The following CEP131 variants were observed in gnomAD, a reference collection of about 807,000 sequenced individuals.
The protein encoded by CEP131 is centrosomal protein of 131 kDa.
In CEP131, 99 loss-of-function variants were observed where a neutral mutation model predicts 136.8. The observed-to-expected ratio is 0.72, with a 90% CI of 0.62 to 0.86. The LOEUF (loss-of-function observed/expected upper bound fraction) is 0.86, where lower values mean the gene tolerates loss of function less well. Among genes scored for constraint, CEP131 ranks in the 40% least tolerant of loss-of-function variants. The pLI is 0.00. For missense variants in CEP131, 1,459 were observed against 1,463.0 expected (o/e 1.00, Z 0.04); for synonymous variants, 646 against 612.7 (o/e 1.05, Z -0.80).
Position 81,197,903 on chromosome 17 carries a change from C to A in CEP131, c.1471-15G>T. The A allele has an allele frequency of 1.9e-6, 3 of 1,606,502 alleles. No individual in the cohort carries two copies. The highest frequency in any genetic ancestry group is 2.6e-6 in the Non-Finnish European group (3 of 1,175,500). Reference sequence around the variant, plus strand: ...GCGTCATCCTCCTGTGGGACAGGAGCCCAGCATCGGGGGCTGTCAGGGCAG... The same window carrying A: ...GCGTCATCCTCCTGTGGGACAGGAGACCAGCATCGGGGGCTGTCAGGGCAG... On this transcript the variant is annotated splice_polypyrimidine_tract_variant and intron_variant, in intron 12 of 25. Coordinates refer to ENST00000450824, the MANE Select transcript of CEP131 (RefSeq NM_014984.4).
chr17:81,198,836 G>C (rs1387148717), intron 11 of CEP131, 41 bp downstream of exon 11: 2 of 1,545,992 alleles, frequency 1.3e-6, no homozygotes, highest in Non-Finnish European at 1.8e-6. Flanking sequence ...GGCCCTTAAA[G>C]CCAAAAACCA....
intron 2 of CEP131, among the ~76,000 whole-genome samples, chr17:81,212,958 C>T (rs1161428663): frequency 1.3e-5 from 2 of 152,160 alleles, no homozygotes; most frequent in African/African-American, 4.8e-5. Flanking sequence ...ACACCCAGCT[C>T]CCAGACCTTG....
chr17:81,199,448 C>CT lies in CEP131; in HGVS notation c.1124dup (p.Pro376AlafsTer118), dbSNP rs1384941162. 15 of 1,607,872 alleles carry CT rather than the reference C, an allele frequency of 9.3e-6. No homozygotes were observed. Among genetic ancestry groups the CT allele is most frequent in the Non-Finnish European group, 1.3e-5 (15 of 1,178,014 alleles). On this transcript the variant is annotated frameshift_variant, in exon 10 of 26. Coordinates refer to ENST00000450824, the MANE Select transcript of CEP131 (RefSeq NM_014984.4). LOFTEE classifies it high-confidence loss of function. ...GTGTGGGGGACAGCTCCTGAGCAGG[C>CT]TGCCGCATTCCTGGCACTCTGGTCT...
chr17:81,206,610 A>G (rs2062013150), intron 5 of CEP131, 134 bp downstream of exon 5: 1 of 1,281,230 alleles, frequency 7.8e-7, no homozygotes, highest in Non-Finnish European at 1.1e-6. Flanking sequence ...AATGAAAGCC[A>G]TTCTTTCACT....
At chr17:81,190,206 A>G (rs571271743) in intron 24 of CEP131, among the ~76,000 whole-genome samples, 16 of 152,256 alleles carry the variant, frequency 1.1e-4, no homozygotes, top group African/African-American at 3.1e-4. Flanking sequence ...GAGGCCTGGT[A>G]CCCAGATGGG....
chr17:81,201,775 G>A (rs1181546879), intron 7 of CEP131, among the ~76,000 whole-genome samples: 1 of 152,132 alleles, frequency 6.6e-6, no homozygotes, highest in African/African-American at 2.4e-5. Context: ...TATGTAAATA[G>A]AACCACACCA....
intron 3 of CEP131, among the ~76,000 whole-genome samples, chr17:81,207,802 G>A (rs897258771): frequency 5.8e-5 from 8 of 137,012 alleles, no homozygotes; most frequent in Non-Finnish European, 1.3e-4. Context: ...CCTGCCCCAT[G>A]GGAGGCCACA....
intron 6 of CEP131, among the ~76,000 whole-genome samples, chr17:81,202,753 C>T (rs909834689): frequency 2.7e-4 from 41 of 152,232 alleles, no homozygotes; most frequent in African/African-American, 9.6e-4. Context: ...CCTGAGGTCA[C>T]GAGTTCGAGA....
At chr17:81,220,870 C>A (rs1461863224) in intron 1 of CEP131, among the ~76,000 whole-genome samples, 1 of 151,614 alleles carries the variant, frequency 6.6e-6, no homozygotes, top group Non-Finnish European at 1.5e-5. Context: ...CTCCTGTAAT[C>A]CCAGCACTTT....
At chr17:81,192,645 G>A in intron 19 of CEP131, 52 bp from the exon 20 acceptor site, 1 of 1,464,468 alleles carries the variant, frequency 6.8e-7, no homozygotes, top group Non-Finnish European at 9.4e-7. Context: ...AAGGAGTCAG[G>A]GATGGGAGAG....
chr17:81,213,821 C>A (rs1480807818), intron 2 of CEP131, among the ~76,000 whole-genome samples: 1 of 152,140 alleles, frequency 6.6e-6, no homozygotes, highest in African/African-American at 2.4e-5. Context: ...CAGTGTGGAC[C>A]CCAGACAGGA....
At position 81,197,754 on chromosome 17, in the gene CEP131, C is replaced by T; in HGVS notation, c.1605G>A (p.Glu535=). 6.2e-7 allele frequency: 1 copy of T among 1,612,934 alleles called. No homozygotes were observed. Among genetic ancestry groups the T allele is most frequent in the Non-Finnish European group, 8.5e-7 (1 of 1,179,814 alleles). ...KLQSIMSFLD[E]MEKSGQDQLD... ...GCTGGTCCTGCCCAGACTTCTCCATCTCGTCCAAGAAGCTCATGATGCTTT... is the reference window on the plus strand; with the variant it reads ...GCTGGTCCTGCCCAGACTTCTCCATTTCGTCCAAGAAGCTCATGATGCTTT... Residue 535 remains glutamate, a synonymous_variant, in exon 13 of 26, where the codon GAG becomes GAA. Transcript: ENST00000450824.
intron 2 of CEP131, among the ~76,000 whole-genome samples, chr17:81,217,668 C>T (rs753651281): frequency 2.0e-5 from 3 of 152,094 alleles, no homozygotes; most frequent in Non-Finnish European, 2.9e-5. Flanking sequence ...GGGGCCGTCT[C>T]GGATCGAGCG....
chr17:81,197,079 G>A lies in CEP131; in HGVS notation c.1648-24C>T, dbSNP rs993231060. On this transcript the variant is annotated intron_variant, in intron 13 of 25. Coordinates refer to ENST00000450824, the MANE Select transcript of CEP131 (RefSeq NM_014984.4). ...CCCTGCAGACACAGCCGAGCGTCAG[G>A]CGGAAGCGGCAGAGGACGGGGGGCA... The A allele has an allele frequency of 7.6e-6, 12 of 1,573,106 alleles. No homozygotes were observed. The African/African-American group carries it at 1.2e-4, about 16-fold the overall frequency.
chr17:81,191,095 G>A lies in CEP131; in HGVS notation c.2766-11C>T, dbSNP rs749555574. 4.4e-6 allele frequency: 7 copies of A among 1,599,362 alleles called. No homozygotes were observed. Among genetic ancestry groups the A allele is most frequent in the Admixed American group, 3.4e-5 (2 of 59,090 alleles). Reference sequence around the variant, plus strand: ...CGTAAGCGCTTGATGCTGGAGGTGGGGGGAGGGCAGGGTCACTCCAGCCCA... The same window carrying A: ...CGTAAGCGCTTGATGCTGGAGGTGGAGGGAGGGCAGGGTCACTCCAGCCCA... On this transcript the variant is annotated splice_polypyrimidine_tract_variant and intron_variant, in intron 22 of 25. Coordinates refer to ENST00000450824, the MANE Select transcript of CEP131 (RefSeq NM_014984.4).
chr17:81,195,056 C>T, intron 16 of CEP131, 84 bp from the exon 17 acceptor site: 1 of 1,012,754 alleles, frequency 9.9e-7, no homozygotes, highest in Non-Finnish European at 1.5e-6. Flanking sequence ...CAGGGCCGGG[C>T]TTCCAGGTCC....
In CEP131 at chr17:81,208,878, C is replaced by T. The variant is rs1309536230; in HGVS notation, c.272+50G>A. On this transcript the variant is annotated intron_variant, in intron 3 of 25. Transcript: ENST00000450824. The surrounding 1 kb of genome is among the most constrained non-coding windows in gnomAD (Gnocchi z 5.6). ...GGGAGGAGCAGGCCAGGGTGGGGCA[C>T]CTGAGGTCCCGGGAAGGGGCCAGGG... 1.4e-6 allele frequency: 2 copies of T among 1,462,020 alleles called. No individual in the cohort carries two copies. 90.6% of individuals were successfully genotyped at this position (1,462,020 alleles called of 1,614,324 possible). A position where few individuals can be genotyped will look rare whatever the true frequency, so the allele number is the denominator to read the frequency against.
chr17:81,211,259 G>C (rs187025980), intron 2 of CEP131, among the ~76,000 whole-genome samples: 2 of 152,198 alleles, frequency 1.3e-5, no homozygotes, highest in African/African-American at 4.8e-5. Flanking sequence ...CAAACTGGGC[G>C]CTGGAAAGGT....
In CEP131 at chr17:81,208,647, G is replaced by A. The variant is rs1598307370; in HGVS notation, c.272+281C>T. 6.6e-6 allele frequency among the ~76,000 whole-genome samples: 1 copy of A among 152,342 alleles called. No homozygotes were observed. The highest frequency in any genetic ancestry group is 2.4e-5 in the African/African-American group (1 of 41,578). ...GAGGGCAGGTGGAAAGGGCTTCAGCGGAGCCCTCAGGCAGGGTCCCAGCAG... is the reference window on the plus strand; with the variant it reads ...GAGGGCAGGTGGAAAGGGCTTCAGCAGAGCCCTCAGGCAGGGTCCCAGCAG... On this transcript the variant is annotated intron_variant, in intron 3 of 25. Transcript: ENST00000450824. This position sits in a 1 kb window ranked among gnomAD's most constrained non-coding sequence, Gnocchi z 5.6.
Sources: gnomAD v4.1 joint callset for allele counts (sites outside exome capture counted in the v4.1 genomes callset) on GRCh38, gnomAD v4.1.1 for gene constraint, Gnocchi (gnomAD v3.1) non-coding constraint, MANE v1.5 for transcripts, NCBI Gene and HGNC (gene_info 2026-07-23, HGNC 2026-07-21) for gene names.